The following CAMTA1 variants were observed in gnomAD, a reference collection of about 807,000 sequenced individuals.
CAMTA1 encodes the protein calmodulin-binding transcription activator 1.
In CAMTA1, 27 loss-of-function variants were observed where a neutral mutation model predicts 170.9. The ratio of observed to expected loss-of-function variants is 0.16; its 90% CI spans 0.12 to 0.22. The LOEUF is 0.22. Ranked by LOEUF, CAMTA1 falls within the 10% of genes least tolerant of loss-of-function variation. The pLI, the probability that CAMTA1 is intolerant of heterozygous loss-of-function variation, is 1.00. For synonymous variants in CAMTA1, 833 were observed against 891.5 expected (o/e 0.93, Z 1.17); for missense variants, 1,619 against 2,217.2 (o/e 0.73, Z 5.42).
chr1:7,549,904 G>T (rs2094774917), intron 6 of CAMTA1, among the ~76,000 whole-genome samples: 1 of 152,142 alleles, frequency 6.6e-6, no homozygotes, highest in African/African-American at 2.4e-5. Flanking sequence ...GAAGAGGCTG[G>T]CCCCATCTCA....
intron 1 of CAMTA1, among the ~76,000 whole-genome samples, chr1:6,793,719 G>A (rs559869253): frequency 2.8e-4 from 43 of 152,326 alleles, no homozygotes; most frequent in Admixed American, 1.2e-3. Flanking sequence ...CGTAGAGAGA[G>A]AGAGAAAGCC....
intron 1 of CAMTA1, among the ~76,000 whole-genome samples, chr1:6,809,341 T>TAA (rs200548598): frequency 0.011 from 1,617 of 152,298 alleles, 17 homozygotes; most frequent in South Asian, 0.027. Flanking sequence ...TCGCTGTTTT[T>TAA]AAGGCGTCAT....
intron 3 of CAMTA1, among the ~76,000 whole-genome samples, chr1:7,083,571 T>C (rs1640317828): frequency 6.6e-6 from 1 of 152,148 alleles, no homozygotes; most frequent in African/African-American, 2.4e-5. Context: ...GGACTATTTA[T>C]CATGGGGGAG....
chr1:7,447,507 C>T (rs955575698), intron 5 of CAMTA1, among the ~76,000 whole-genome samples: 1 of 152,038 alleles, frequency 6.6e-6, no homozygotes, highest in Non-Finnish European at 1.5e-5. Flanking sequence ...CCCACATGGG[C>T]TTCTTCTCAA....
chr1:7,276,303 A>ATATATATATATATAATTTTTTT, intron 5 of CAMTA1, among the ~76,000 whole-genome samples: 1 of 24,228 alleles, frequency 4.1e-5, no homozygotes, highest in African/African-American at 3.0e-4. Context: ...ATATATATAT[A>ATATATATATATATAATTTTTTT]TTTTTTTTTT....
intron 2 of CAMTA1, among the ~76,000 whole-genome samples, chr1:6,824,307 T>G (rs552726606): frequency 6.6e-6 from 1 of 152,098 alleles, no homozygotes. Flanking sequence ...ATAAATGATA[T>G]GTAAGCAAAC....
chr1:7,302,959 T>G (rs2149562535), intron 5 of CAMTA1, among the ~76,000 whole-genome samples: 1 of 152,258 alleles, frequency 6.6e-6, no homozygotes, highest in African/African-American at 2.4e-5. Context: ...AGGGGAAGGG[T>G]ACCCAGGTGC....
intron 4 of CAMTA1, among the ~76,000 whole-genome samples, chr1:7,215,700 G>A (rs1659638752): frequency 6.6e-6 from 1 of 152,200 alleles, no homozygotes; most frequent in South Asian, 2.1e-4. Flanking sequence ...TACCTGGTAT[G>A]TAGTGTTTTC....
At chr1:7,237,358 G>GC (rs1208447831) in intron 4 of CAMTA1, among the ~76,000 whole-genome samples, 3 of 152,148 alleles carry the variant, frequency 2.0e-5, no homozygotes, top group Non-Finnish European at 4.4e-5. Flanking sequence ...AAGATCCACC[G>GC]CAAGTCCACG....
At chr1:7,722,659 A>T (rs115734954) in intron 11 of CAMTA1, among the ~76,000 whole-genome samples, 158 of 152,340 alleles carry the variant, frequency 1.0e-3, no homozygotes, top group Non-Finnish European at 2.1e-3. Context: ...TTTGAGATAC[A>T]GGAGTTAAAC....
At chr1:7,596,108 G>A (rs973239916) in intron 6 of CAMTA1, among the ~76,000 whole-genome samples, 5 of 152,226 alleles carry the variant, frequency 3.3e-5, no homozygotes, top group African/African-American at 7.2e-5. Flanking sequence ...GGGAGGGGCC[G>A]CTGCAATAAG....
intron 20 of CAMTA1, among the ~76,000 whole-genome samples, 157 bp from the exon 21 acceptor site, chr1:7,752,302 G>T (rs1435312573): frequency 6.6e-6 from 1 of 152,150 alleles, no homozygotes; most frequent in Admixed American, 6.5e-5. Flanking sequence ...AACAGCATAC[G>T]CACTCATCCC....
At chr1:7,167,350 T>C (rs1333628805) in intron 4 of CAMTA1, among the ~76,000 whole-genome samples, 2 of 152,160 alleles carry the variant, frequency 1.3e-5, no homozygotes, top group Admixed American at 6.5e-5. Flanking sequence ...GATGTGCATA[T>C]GTCAAGTCTG....
intron 3 of CAMTA1, among the ~76,000 whole-genome samples, chr1:6,916,261 G>T (rs1029460285): frequency 6.6e-6 from 1 of 152,084 alleles, no homozygotes; most frequent in African/African-American, 2.4e-5. Flanking sequence ...AGCCCAGGGC[G>T]CTTCCCGGGC....
At chr1:7,657,703 G>A (rs375732479) in intron 7 of CAMTA1, among the ~76,000 whole-genome samples, 6 of 152,268 alleles carry the variant, frequency 3.9e-5, no homozygotes, top group South Asian at 2.1e-4. Context: ...AAGCCGTCTT[G>A]ATACTATTTG....
At chr1:7,351,913 C>T (rs760435299) in intron 5 of CAMTA1, among the ~76,000 whole-genome samples, 1 of 152,178 alleles carries the variant, frequency 6.6e-6, no homozygotes, top group African/African-American at 2.4e-5. Context: ...GCTGAGAGCA[C>T]GCAAGTGAGA....
At position 7,083,458 on chromosome 1, in the gene CAMTA1, C is replaced by T. The variant is rs555452612; in HGVS notation, c.235-7846C>T. Among the ~76,000 whole-genome samples, 49 of 152,146 alleles carry T rather than the reference C, an allele frequency of 3.2e-4. No individual in the cohort carries two copies. In the South Asian group the frequency reaches 0.01, roughly 32 times the overall value. ...CCTGTGGGTGGGGGGTCCGGGATAT[C>T]CTGTGCAGGGTGTTGGCTTGGCCAG... is the stretch of plus-strand genomic sequence containing the variant. On this transcript the variant is annotated intron_variant, in intron 3 of 22. Coordinates refer to ENST00000303635, the MANE Select transcript of CAMTA1 (RefSeq NM_015215.4).
Position 7,441,831 on chromosome 1 carries a change from C to A in CAMTA1, c.439-25999C>A, listed in dbSNP as rs544062370. Among the ~76,000 whole-genome samples, 170 of 152,342 alleles carry A rather than the reference C, an allele frequency of 1.1e-3. 1 individual carries two copies. Among genetic ancestry groups the A allele is most frequent in the African/African-American group, 4.0e-3 (165 of 41,588 alleles). ...ATCCCATCCCCATCCCGAGGCCCTGCAGCATGGTAGGATCATGCCCACTTC... is the reference window on the plus strand; with the variant it reads ...ATCCCATCCCCATCCCGAGGCCCTGAAGCATGGTAGGATCATGCCCACTTC... On this transcript the variant is annotated intron_variant, in intron 5 of 22. Coordinates refer to ENST00000303635, the MANE Select transcript of CAMTA1 (RefSeq NM_015215.4).
intron 3 of CAMTA1, among the ~76,000 whole-genome samples, chr1:6,858,874 AC>A (rs1663525368): frequency 6.6e-6 from 1 of 152,164 alleles, no homozygotes; most frequent in Admixed American, 6.5e-5. Flanking sequence ...ATGTTTTAAG[AC>A]CATTCAGTCA....
Sources: allele counts gnomAD v4.1 joint callset (sites outside exome capture counted in the v4.1 genomes callset), GRCh38; gene constraint gnomAD v4.1.1; transcripts MANE v1.5; gene names NCBI Gene and HGNC (gene_info 2026-07-23, HGNC 2026-07-21).